The following HYCC2 variants were observed in gnomAD, a reference collection of about 807,000 sequenced individuals.
HYCC2 encodes the protein hyccin PI4KA lipid kinase complex subunit 2, also known as hyccin 2.
the HYCC2 span, chr2:200,979,905 C>A: frequency 1.3e-5 from 2 of 152,598 alleles, no homozygotes; most frequent in African/African-American, 4.8e-5. Context: ...TTACCAAATG[C>A]TACTTACATA....
chr2:201,067,878 A>G, the HYCC2 span, among the ~76,000 whole-genome samples: 1 of 152,236 alleles, frequency 6.6e-6, no homozygotes, highest in African/African-American at 2.4e-5. Flanking sequence ...CATGAAATAA[A>G]TTAGTTTGAT....
At chr2:201,010,307 T>C in the HYCC2 span, among the ~76,000 whole-genome samples, 4,327 of 152,236 alleles carry the variant, frequency 0.028, 215 homozygotes, top group African/African-American at 0.099. Flanking sequence ...AGCAAATTAA[T>C]AGTGCAAAGA....
chr2:200,981,561 G>A, the HYCC2 span: 2 of 1,614,152 alleles, frequency 1.2e-6, no homozygotes, highest in Non-Finnish European at 1.7e-6. The surrounding 1 kb of genome is among the most constrained non-coding windows in gnomAD (Gnocchi z 4.5). Flanking sequence ...GCACCACCTG[G>A]CCAGCAGGCA....
chr2:200,977,620 G>A, the HYCC2 span: 1 of 152,386 alleles, frequency 6.6e-6, no homozygotes, highest in South Asian at 2.1e-4. Flanking sequence ...GGGAGGCCAG[G>A]TGGGTGGATC....
At chr2:201,065,460 C>T in the HYCC2 span, among the ~76,000 whole-genome samples, 1 of 152,220 alleles carries the variant, frequency 6.6e-6, no homozygotes, top group Non-Finnish European at 1.5e-5. Flanking sequence ...ATGCCCAAGA[C>T]TGCAATTGTT....
At chr2:201,037,080 C>T in the HYCC2 span, among the ~76,000 whole-genome samples, 2 of 152,180 alleles carry the variant, frequency 1.3e-5, no homozygotes, top group Admixed American at 1.3e-4. Context: ...GCAAAAATCA[C>T]AAGCATTCTT....
chr2:201,070,635 A>C, the HYCC2 span, among the ~76,000 whole-genome samples: 1 of 151,944 alleles, frequency 6.6e-6, no homozygotes, highest in Non-Finnish European at 1.5e-5. Context: ...CTGGGCAACA[A>C]CAGCGAAACT....
the HYCC2 span, chr2:200,976,049 C>T: frequency 6.6e-6 from 1 of 152,090 alleles, no homozygotes; most frequent in African/African-American, 2.4e-5. Context: ...ATTCCATCTG[C>T]TTATAATCTG....
the HYCC2 span, among the ~76,000 whole-genome samples, chr2:201,062,932 A>G: frequency 6.6e-6 from 1 of 151,042 alleles, no homozygotes; most frequent in Non-Finnish European, 1.5e-5. Context: ...CTGAGAGGTT[A>G]GAGGCCTGAA....
chr2:201,062,311 G>A, the HYCC2 span, among the ~76,000 whole-genome samples: 4 of 151,968 alleles, frequency 2.6e-5, no homozygotes, highest in Middle Eastern at 3.4e-3. Flanking sequence ...TTGAGGTCAG[G>A]AATTCAAGAC....
the HYCC2 span, chr2:200,981,994 A>G: frequency 1.0e-6 from 1 of 956,472 alleles, no homozygotes; most frequent in Non-Finnish European, 1.5e-6. This position sits in a 1 kb window ranked among gnomAD's most constrained non-coding sequence, Gnocchi z 4.5. Flanking sequence ...CCCTACTATC[A>G]ACACTTCCCC....
chr2:201,042,778 G>A, the HYCC2 span, among the ~76,000 whole-genome samples: 432 of 151,344 alleles, frequency 2.9e-3, 2 homozygotes, highest in African/African-American at 0.01. Flanking sequence ...TCTGGGAGGT[G>A]GGGGGCGCCT....
At chr2:201,047,047 TAGA>T in the HYCC2 span, among the ~76,000 whole-genome samples, 1 of 151,602 alleles carries the variant, frequency 6.6e-6, no homozygotes. Context: ...TAATAGAAAA[TAGA>T]AGGGGAAATG....
chr2:200,992,740 A>C, the HYCC2 span: 1 of 612,042 alleles, frequency 1.6e-6, no homozygotes, highest in Non-Finnish European at 2.8e-6. Context: ...ATTTAAAAGT[A>C]CTAAAAGGAA....
At chr2:200,999,181 G>A in the HYCC2 span, among the ~76,000 whole-genome samples, 2 of 152,138 alleles carry the variant, frequency 1.3e-5, no homozygotes, top group Admixed American at 6.5e-5. Flanking sequence ...TAAGAAGAAA[G>A]ACTTAAAGAT....
At chr2:200,991,285 C>T in the HYCC2 span, among the ~76,000 whole-genome samples, 1 of 152,084 alleles carries the variant, frequency 6.6e-6, no homozygotes, top group African/African-American at 2.4e-5. Context: ...GCCTGTTCAA[C>T]ATAGTGAAAC....
the HYCC2 span, among the ~76,000 whole-genome samples, chr2:201,038,305 C>G: frequency 3.3e-5 from 5 of 152,114 alleles, 1 homozygote; most frequent in Admixed American, 3.3e-4. Context: ...GGACTGTAAA[C>G]TAGTTCAACC....
chr2:201,047,856 T>C, the HYCC2 span, among the ~76,000 whole-genome samples: 1 of 122,294 alleles, frequency 8.2e-6, no homozygotes, highest in East Asian at 2.3e-4. Context: ...AGCAAAACTA[T>C]CCTTCAAAAA....
chr2:201,036,987 C>T, the HYCC2 span, among the ~76,000 whole-genome samples: 3 of 152,172 alleles, frequency 2.0e-5, no homozygotes, highest in Non-Finnish European at 4.4e-5. Context: ...GATTGTATAT[C>T]TAGAAAACCC....
Sources: gnomAD v4.1 joint callset for allele counts (sites outside exome capture counted in the v4.1 genomes callset) on GRCh38, gnomAD v4.1.1 for gene constraint, Gnocchi (gnomAD v3.1) non-coding constraint, MANE v1.5 for transcripts, NCBI Gene and HGNC (gene_info 2026-07-23, HGNC 2026-07-21) for gene names.